PTPRT: variants seen among roughly 807,000 people sequenced by gnomAD.
The protein encoded by PTPRT is protein tyrosine phosphatase receptor type T, also known as receptor-type tyrosine-protein phosphatase T.
In PTPRT, 56 loss-of-function variants were observed where a neutral mutation model predicts 176.8. The observed-to-expected ratio is 0.32, with a 90% CI of 0.26 to 0.40. PTPRT has a LOEUF of 0.40. PTPRT is among the 10% of genes least tolerant of loss of function. The pLI, the probability that PTPRT is intolerant of heterozygous loss-of-function variation, is 1.00. For synonymous variants in PTPRT, 783 were observed against 739.0 expected (o/e 1.06, Z -0.96); for missense variants, 1,540 against 1,908.2 (o/e 0.81, Z 3.60).
chr20:42,128,785 T>C lies in PTPRT; in HGVS notation c.2816A>G (p.His939Arg). Residue 939 changes from histidine to arginine, a missense_variant, in exon 19 of 31, where the codon CAC (histidine) becomes CGC (arginine). Around this residue, in one of 11 missense-constraint regions of PTPRT, gnomAD observed 248 missense variants for 356.7 expected, o/e 0.70. Coordinates refer to ENST00000373187, the MANE Select transcript of PTPRT (RefSeq NM_007050.6). ...GTAGTTGGCATTGATGTAGTCAGAG[T>C]GCGGGTCTCCATCCAGCACCAGCAG... ...VRLLVLDGDP[H>R]SDYINANYID... 1 of 1,606,060 alleles carries C rather than the reference T, an allele frequency of 6.2e-7. No individual in the cohort carries two copies. Among genetic ancestry groups the C allele is most frequent in the Non-Finnish European group, 8.5e-7 (1 of 1,175,530 alleles).
intron 1 of PTPRT, among the ~76,000 whole-genome samples, chr20:43,144,688 C>G (rs891410130): frequency 1.3e-5 from 2 of 152,048 alleles, no homozygotes; most frequent in Admixed American, 6.5e-5. Context: ...GGGAATGATG[C>G]TAATGGGTAC....
intron 7 of PTPRT, among the ~76,000 whole-genome samples, chr20:42,609,515 G>A (rs2073938620): frequency 6.6e-6 from 1 of 152,178 alleles, no homozygotes. Flanking sequence ...TCACATGTCT[G>A]CTAAGTGTCA....
chr20:42,276,640 T>C (rs1174981145), intron 13 of PTPRT, among the ~76,000 whole-genome samples: 1 of 148,004 alleles, frequency 6.8e-6, no homozygotes, highest in Non-Finnish European at 1.5e-5. Flanking sequence ...TTTAACTGAC[T>C]TGTCCAAGGT....
rs538625300 is a variant in PTPRT, at chr20:42,488,820, C to T, written c.1154-16258G>A. Among the ~76,000 whole-genome samples the T allele has an allele frequency of 3.9e-5, 6 of 151,948 alleles. 1 individual carries two copies. The highest frequency in any genetic ancestry group is 2.1e-4 in the South Asian group (1 of 4,810). On this transcript the variant is annotated intron_variant, in intron 7 of 30. Coordinates refer to ENST00000373187, the MANE Select transcript of PTPRT (RefSeq NM_007050.6). ...TCTCTACTAAAAATACAAAATTAGC[C>T]GGACATGGTGGTGCATGCCTGTAAT...
intron 13 of PTPRT, among the ~76,000 whole-genome samples, chr20:42,259,746 C>T (rs1289423377): frequency 1.3e-5 from 2 of 152,146 alleles, no homozygotes; most frequent in South Asian, 2.1e-4. Context: ...ACTTACGGCT[C>T]GGGTTTAGAA....
intron 6 of PTPRT, among the ~76,000 whole-genome samples, chr20:42,704,281 T>C (rs2146173483): frequency 6.6e-6 from 1 of 152,070 alleles, no homozygotes; most frequent in African/African-American, 2.4e-5. Flanking sequence ...AAATCATCCA[T>C]CCAAAGCCCA....
intron 11 of PTPRT, among the ~76,000 whole-genome samples, chr20:42,341,880 T>C (rs2058116264): frequency 6.6e-6 from 1 of 152,168 alleles, no homozygotes; most frequent in South Asian, 2.1e-4. Context: ...CCATTTAAAA[T>C]ATTCTTCCCC....
intron 8 of PTPRT, among the ~76,000 whole-genome samples, chr20:42,457,365 T>G (rs1341242247): frequency 1.3e-5 from 2 of 152,234 alleles, no homozygotes; most frequent in Non-Finnish European, 2.9e-5. Context: ...ATTTAGATAT[T>G]CTTACTGAGC....
chr20:43,076,419 C>T (rs2011280288), intron 1 of PTPRT, among the ~76,000 whole-genome samples: 1 of 110,706 alleles, frequency 9.0e-6, no homozygotes, highest in African/African-American at 3.3e-5. Flanking sequence ...TAATGCAAGC[C>T]AAATGAAACC....
intron 7 of PTPRT, among the ~76,000 whole-genome samples, chr20:42,616,535 G>A (rs1464155921): frequency 1.3e-4 from 16 of 126,774 alleles, no homozygotes; most frequent in African/African-American, 1.5e-4. Flanking sequence ...GGGCAGTATG[G>A]CCATTTTCAC....
At chr20:43,163,505 G>A (rs973902312) in intron 1 of PTPRT, among the ~76,000 whole-genome samples, 1 of 152,158 alleles carries the variant, frequency 6.6e-6, no homozygotes, top group Non-Finnish European at 1.5e-5. Context: ...AGGCGTGGTG[G>A]TGGGCGCCTA....
chr20:43,102,014 T>G (rs2012407859), intron 1 of PTPRT, among the ~76,000 whole-genome samples: 1 of 152,178 alleles, frequency 6.6e-6, no homozygotes, highest in South Asian at 2.1e-4. Context: ...TGGCACCATC[T>G]AGGTGTCCTT....
chr20:42,590,174 C>T (rs2073544132), intron 7 of PTPRT, among the ~76,000 whole-genome samples: 2 of 152,128 alleles, frequency 1.3e-5, no homozygotes. Context: ...CTAACAGCCC[C>T]AGTTGAGGCC....
chr20:42,972,781 G>A (rs1030718209), intron 1 of PTPRT, among the ~76,000 whole-genome samples: 12 of 151,502 alleles, frequency 7.9e-5, no homozygotes, highest in African/African-American at 1.7e-4. Flanking sequence ...ATGAGCTGGC[G>A]TCTATTTTGG....
At chr20:42,151,199 T>C (rs546465403) in intron 17 of PTPRT, among the ~76,000 whole-genome samples, 1 of 152,150 alleles carries the variant, frequency 6.6e-6, no homozygotes, top group Non-Finnish European at 1.5e-5. Flanking sequence ...GTTTGTTACA[T>C]AGCTATACAT....
intron 22 of PTPRT, among the ~76,000 whole-genome samples, chr20:42,114,769 G>T (rs533772134): frequency 1.3e-5 from 2 of 152,256 alleles, no homozygotes; most frequent in African/African-American, 4.8e-5. Flanking sequence ...CCTTGAACAG[G>T]TTGAGATCAC....
chr20:42,410,615 G>T (rs2059005829), intron 9 of PTPRT, among the ~76,000 whole-genome samples: 1 of 151,964 alleles, frequency 6.6e-6, no homozygotes, highest in Non-Finnish European at 1.5e-5. Flanking sequence ...ACAACAGCAA[G>T]ATATACATTC....
chr20:42,645,403 G>T (rs1305307844), intron 7 of PTPRT, among the ~76,000 whole-genome samples: 1 of 152,132 alleles, frequency 6.6e-6, no homozygotes, highest in Non-Finnish European at 1.5e-5. Context: ...GGCCTCCAGT[G>T]GGGATGAACC....
At chr20:43,051,426 T>C (rs1460806962) in intron 1 of PTPRT, among the ~76,000 whole-genome samples, 1 of 152,160 alleles carries the variant, frequency 6.6e-6, no homozygotes, top group East Asian at 1.9e-4. Flanking sequence ...CAGATGTGAA[T>C]CTGTAATAAC....
Sources: allele counts gnomAD v4.1 joint callset (sites outside exome capture counted in the v4.1 genomes callset), GRCh38; gene constraint gnomAD v4.1.1; regional missense constraint gnomAD v4.1.1; transcripts MANE v1.5; gene names NCBI Gene and HGNC (gene_info 2026-07-23, HGNC 2026-07-21).